GALNTL6: variants seen among roughly 807,000 people sequenced by gnomAD.
The protein encoded by GALNTL6 is polypeptide N-acetylgalactosaminyltransferase like 6, also known as polypeptide N-acetylgalactosaminyltransferase-like 6.
A neutral mutation model predicts 73.7 loss-of-function variants in GALNTL6; 46 were observed. The ratio of observed to expected loss-of-function variants is 0.62; its 90% CI spans 0.49 to 0.80. GALNTL6 has a LOEUF of 0.80. Ranked by LOEUF, GALNTL6 falls within the 30% of genes least tolerant of loss-of-function variation. The pLI, the probability that GALNTL6 is intolerant of heterozygous loss-of-function variation, is 0.00. For missense variants in GALNTL6, 604 were observed against 755.0 expected (o/e 0.80, Z 2.34); for synonymous variants, 259 against 263.7 (o/e 0.98, Z 0.17).
chr4:172,357,630 T>TACAC (rs1386476635), intron 5 of GALNTL6, among the ~76,000 whole-genome samples: 87 of 9,680 alleles, frequency 9.0e-3, no homozygotes, highest in African/African-American at 0.013. Flanking sequence ...TATATATAGA[T>TACAC]ATATACACAC....
At chr4:172,990,468 T>C (rs1477526098) in intron 10 of GALNTL6, among the ~76,000 whole-genome samples, 5 of 152,146 alleles carry the variant, frequency 3.3e-5, no homozygotes, top group Non-Finnish European at 5.9e-5. Context: ...GTTATTTGGG[T>C]CTTCTGTTAG....
At chr4:172,388,904 A>T (rs1305240471) in intron 5 of GALNTL6, among the ~76,000 whole-genome samples, 2 of 152,090 alleles carry the variant, frequency 1.3e-5, no homozygotes, top group South Asian at 2.1e-4. Context: ...ATTTAAAAAT[A>T]AGCAACCAGA....
intron 5 of GALNTL6, among the ~76,000 whole-genome samples, chr4:172,397,771 G>T (rs1168148190): frequency 6.6e-6 from 1 of 151,840 alleles, no homozygotes; most frequent in East Asian, 1.9e-4. Flanking sequence ...TAGAGACAGG[G>T]TTTCACCATG....
At chr4:172,843,942 C>G (rs1743352323) in intron 7 of GALNTL6, among the ~76,000 whole-genome samples, 1 of 152,128 alleles carries the variant, frequency 6.6e-6, no homozygotes, top group African/African-American at 2.4e-5. Context: ...ACCTGTTACT[C>G]CAGCTATTTG....
intron 8 of GALNTL6, among the ~76,000 whole-genome samples, chr4:172,900,322 G>T (rs951871565): frequency 2.0e-5 from 3 of 152,262 alleles, no homozygotes; most frequent in African/African-American, 7.2e-5. Flanking sequence ...GTCACTTAGA[G>T]ATTAAAATGT....
intron 5 of GALNTL6, among the ~76,000 whole-genome samples, chr4:172,370,630 C>CAAAAAAAA (rs71592072): frequency 5.0e-5 from 3 of 59,818 alleles, no homozygotes; most frequent in Non-Finnish European, 9.6e-5. Flanking sequence ...GACTCCATCT[C>CAAAAAAAA]AAAAAAAAAA....
chr4:171,899,336 T>C (rs867947550), intron 2 of GALNTL6, among the ~76,000 whole-genome samples: 1 of 152,226 alleles, frequency 6.6e-6, no homozygotes, highest in Admixed American at 6.5e-5. Flanking sequence ...TCCTGTTACA[T>C]TATGGCTTTG....
At chr4:172,755,974 C>A (rs963482387) in intron 5 of GALNTL6, among the ~76,000 whole-genome samples, 8 of 151,990 alleles carry the variant, frequency 5.3e-5, no homozygotes, top group African/African-American at 1.9e-4. Context: ...CATTTGGTAC[C>A]AACGTGAAAG....
At chr4:172,743,983 G>A (rs150443261) in intron 5 of GALNTL6, among the ~76,000 whole-genome samples, 84 of 152,170 alleles carry the variant, frequency 5.5e-4, no homozygotes, top group African/African-American at 1.9e-3. Context: ...GTTCCAGAGG[G>A]ATATCATATT....
At chr4:171,990,043 A>G (rs1740289349) in intron 2 of GALNTL6, among the ~76,000 whole-genome samples, 1 of 152,146 alleles carries the variant, frequency 6.6e-6, no homozygotes, top group Admixed American at 6.5e-5. Context: ...AGGGGAGGTG[A>G]TAAAAGGATT....
chr4:172,367,179 T>C (rs1742596757), intron 5 of GALNTL6, among the ~76,000 whole-genome samples: 1 of 152,178 alleles, frequency 6.6e-6, no homozygotes, highest in Non-Finnish European at 1.5e-5. Flanking sequence ...GGGAGAGTAT[T>C]CACATAGGCA....
chr4:172,621,498 C>A (rs28508081), intron 5 of GALNTL6, among the ~76,000 whole-genome samples: 54,005 of 152,028 alleles, frequency 0.36, 10,317 homozygotes, highest in Middle Eastern at 0.5. Context: ...AACAATTAAT[C>A]TACTTCCAAC....
intron 2 of GALNTL6, among the ~76,000 whole-genome samples, chr4:171,954,371 G>A (rs537819495): frequency 1.3e-5 from 2 of 152,272 alleles, no homozygotes; most frequent in African/African-American, 4.8e-5. Context: ...CTACTTATAA[G>A]AAAATGAGGA....
chr4:172,860,256 C>T (rs1024986456), intron 7 of GALNTL6, among the ~76,000 whole-genome samples: 1 of 152,150 alleles, frequency 6.6e-6, no homozygotes, highest in African/African-American at 2.4e-5. Flanking sequence ...GACTCAAATA[C>T]TTATGATCTG....
intron 10 of GALNTL6, among the ~76,000 whole-genome samples, chr4:173,002,180 A>G (rs1402300212): frequency 2.6e-5 from 4 of 152,126 alleles, no homozygotes; most frequent in Non-Finnish European, 5.9e-5. Flanking sequence ...TCAAGAGGTC[A>G]GGAGATCGAG....
intron 5 of GALNTL6, among the ~76,000 whole-genome samples, chr4:172,627,560 A>G (rs558969039): frequency 1.3e-5 from 2 of 151,268 alleles, no homozygotes; most frequent in Admixed American, 6.6e-5. Context: ...GAATAGTTTC[A>G]GTGGAATTCG....
intron 2 of GALNTL6, among the ~76,000 whole-genome samples, chr4:172,166,672 G>T (rs1162901070): frequency 3.3e-5 from 5 of 152,116 alleles, no homozygotes; most frequent in Non-Finnish European, 7.4e-5. Context: ...TACAAAGCAA[G>T]TATTGATGTT....
intron 2 of GALNTL6, among the ~76,000 whole-genome samples, chr4:172,071,824 C>T (rs1731540527): frequency 6.6e-6 from 1 of 152,112 alleles, no homozygotes; most frequent in Non-Finnish European, 1.5e-5. Context: ...TGATTGAGGA[C>T]TATTGGCATA....
chr4:172,050,445 G>A (rs951071738), intron 2 of GALNTL6, among the ~76,000 whole-genome samples: 2 of 152,144 alleles, frequency 1.3e-5, no homozygotes, highest in African/African-American at 4.8e-5. Flanking sequence ...GGTTAAAAAA[G>A]AGAAGCTTTG....
Sources: allele counts gnomAD v4.1 joint callset (sites outside exome capture counted in the v4.1 genomes callset), GRCh38; gene constraint gnomAD v4.1.1; transcripts MANE v1.5; gene names NCBI Gene and HGNC (gene_info 2026-07-23, HGNC 2026-07-21).